The following BCL2A1 variants were observed in gnomAD, a reference collection of about 807,000 sequenced individuals.
BCL2A1 encodes bcl-2-related protein A1.
Under a neutral mutation model 14.4 loss-of-function variants are expected in BCL2A1, and 10 were observed. The observed-to-expected ratio is 0.69, with a 90% CI of 0.43 to 1.18. BCL2A1 has a LOEUF of 1.18. Among genes scored for constraint, BCL2A1 ranks in the 50% most tolerant of loss-of-function variants. The pLI is 0.00. For missense variants in BCL2A1, 158 were observed against 205.0 expected (o/e 0.77, Z 1.40); for synonymous variants, 71 against 76.5 (o/e 0.93, Z 0.38).
At chr15:79,968,874 G>C (rs1340513106) in intron 1 of BCL2A1, among the ~76,000 whole-genome samples, 1 of 152,162 alleles carries the variant, frequency 6.6e-6, no homozygotes, top group African/African-American at 2.4e-5. Flanking sequence ...AGGTTGCAGT[G>C]AGCTGAGATC....
At position 79,970,682 on chromosome 15, in the gene BCL2A1, T is replaced by C; in HGVS notation, c.420+18A>G. 1 of 1,566,626 alleles carries C rather than the reference T, an allele frequency of 6.4e-7. No homozygotes were observed. The highest frequency in any genetic ancestry group is 8.7e-7 in the Non-Finnish European group (1 of 1,154,640). ...TTTCACAGGAAAGAACAATGAAGAA[T>C]TTTTCCATCACACATACCCAGCCTC... is the stretch of plus-strand genomic sequence containing the variant. On this transcript the variant is annotated intron_variant, in intron 1 of 1. Coordinates refer to ENST00000267953, the MANE Select transcript of BCL2A1 (RefSeq NM_004049.4).
At chr15:79,964,510 G>C (rs868096192) in intron 1 of BCL2A1, among the ~76,000 whole-genome samples, 2 of 152,002 alleles carry the variant, frequency 1.3e-5, no homozygotes, top group South Asian at 2.1e-4. Context: ...ACACCATTAT[G>C]TTACTCCCAC....
chr15:79,970,823 G>C lies in BCL2A1; in HGVS notation c.297C>G (p.Leu99=). 6.2e-7 allele frequency: 1 copy of C among 1,614,216 alleles called. No individual in the cohort carries two copies. Among genetic ancestry groups the C allele is most frequent in the Non-Finnish European group, 8.5e-7 (1 of 1,180,028 alleles). The part of the protein sequence containing the change: ...IVTIFAFEGI[L]IKKLLRQQIA... ...TTTGCTGTCGTAGAAGTTTCTTGAT[G>C]AGAATACCTTCAAATGCAAATATGG... Residue 99 remains leucine (L), a synonymous_variant, in exon 1 of 2, where the codon CTC becomes CTG. Coordinates refer to ENST00000267953, the MANE Select transcript of BCL2A1 (RefSeq NM_004049.4).
intron 1 of BCL2A1, among the ~76,000 whole-genome samples, chr15:79,965,582 G>A (rs2035533896): frequency 6.6e-6 from 1 of 152,104 alleles, no homozygotes; most frequent in African/African-American, 2.4e-5. Flanking sequence ...ATTTCAAAGG[G>A]GCAGCCAGGG....
chr15:79,970,897 T>C lies in BCL2A1; in HGVS notation c.223A>G (p.Met75Val), dbSNP rs1199987311. The C allele has an allele frequency of 6.2e-7, 1 of 1,614,226 alleles. No homozygotes were observed. Among genetic ancestry groups the C allele is most frequent in the African/African-American group, 1.3e-5 (1 of 75,070 alleles). ...DTARTLFNQVMEKEFEDGIIN... is the reference protein window; with the variant it reads ...DTARTLFNQVVEKEFEDGIIN... ...ATGCCGTCTTCAAACTCCTTTTCCA[T>C]CACTTGGTTGAATAGTGTTCTGGCA... The change falls in exon 1 of 2, where the codon ATG becomes GTG. Residue 75 changes from methionine (M) to valine (V), a missense_variant. Met to Val is a conservative substitution (Grantham distance 21). Transcript: ENST00000267953.
chr15:79,969,880 G>A (rs939030196), intron 1 of BCL2A1, among the ~76,000 whole-genome samples: 18 of 152,054 alleles, frequency 1.2e-4, no homozygotes, highest in African/African-American at 4.1e-4. Flanking sequence ...TTGGAGAGAG[G>A]ATCAATGAAC....
intron 1 of BCL2A1, among the ~76,000 whole-genome samples, chr15:79,964,583 C>T (rs1439359479): frequency 1.3e-5 from 2 of 152,208 alleles, no homozygotes; most frequent in African/African-American, 4.8e-5. Flanking sequence ...TGGCCACATG[C>T]CAGGTACCAT....
At chr15:79,962,053 T>G (rs536398729) in intron 1 of BCL2A1, among the ~76,000 whole-genome samples, 2 of 152,154 alleles carry the variant, frequency 1.3e-5, no homozygotes, top group East Asian at 3.8e-4. Flanking sequence ...GCCAAAAGAA[T>G]TAGAAAATTG....
Position 79,964,878 on chromosome 15 carries a change from G to A in BCL2A1, c.421-3704C>T, listed in dbSNP as rs540158565. Among the ~76,000 whole-genome samples, 136 of 152,292 alleles carry A rather than the reference G, an allele frequency of 8.9e-4. 3 individuals are homozygous for A. Among genetic ancestry groups the A allele is most frequent in the Admixed American group, 7.7e-3 (118 of 15,296 alleles). On this transcript the variant is annotated intron_variant, in intron 1 of 1. Transcript: ENST00000267953. The stretch of plus-strand genomic sequence containing the variant: ...GAAGTAAGCCAGGCAAACTTCTGGC[G>A]GAAAATTATTCCAGGCAGAGGGAGC...
At chr15:79,966,331 G>T (rs1409146568) in intron 1 of BCL2A1, among the ~76,000 whole-genome samples, 4 of 152,126 alleles carry the variant, frequency 2.6e-5, no homozygotes, top group African/African-American at 9.7e-5. Flanking sequence ...TACCTCTAGT[G>T]AGTGAGAAAA....
chr15:79,968,717 G>C (rs2035567500), intron 1 of BCL2A1, among the ~76,000 whole-genome samples: 2 of 152,234 alleles, frequency 1.3e-5, no homozygotes, highest in Admixed American at 1.3e-4. Context: ...GATCACCCGA[G>C]GTCAGGAGTT....
intron 1 of BCL2A1, 29 bp from the exon 2 acceptor site, chr15:79,961,203 A>T: frequency 6.3e-7 from 1 of 1,589,602 alleles, no homozygotes; most frequent in Non-Finnish European, 8.6e-7. Context: ...AACACTTTAA[A>T]CATCATTGGA....
In BCL2A1 at chr15:79,960,924, T is replaced by C; in HGVS notation, c.*143A>G. On this transcript the variant is annotated 3_prime_UTR_variant, in exon 2 of 2. Coordinates refer to ENST00000267953, the MANE Select transcript of BCL2A1 (RefSeq NM_004049.4). Reference sequence around the variant, plus strand: ...AAATACATACAATTTATTCATTACATGGGGACAAAATTTCCATAACTCTGG... The same window carrying C: ...AAATACATACAATTTATTCATTACACGGGGACAAAATTTCCATAACTCTGG... 1.5e-6 allele frequency: 2 copies of C among 1,340,484 alleles called. No homozygotes were observed. Among genetic ancestry groups the C allele is most frequent in the Non-Finnish European group, 2.1e-6 (2 of 962,560 alleles). The allele number at this position is 1,340,484 out of a possible 1,614,324, so 83.0% of individuals were successfully genotyped here. A position where few individuals can be genotyped will look rare whatever the true frequency, so the allele number is the denominator to read the frequency against.
intron 1 of BCL2A1, among the ~76,000 whole-genome samples, chr15:79,967,347 G>A (rs1233933882): frequency 6.6e-6 from 1 of 150,500 alleles, no homozygotes; most frequent in Non-Finnish European, 1.5e-5. Context: ...CTCCTAAGTA[G>A]CTGGGATTAT....
chr15:79,970,831 C>A lies in BCL2A1; in HGVS notation c.289G>T (p.Gly97Cys). ...GRIVTIFAFE[G>C]ILIKKLLRQQ... is the part of the protein sequence containing the mutation. ...CGTAGAAGTTTCTTGATGAGAATAC[C>A]TTCAAATGCAAATATGGTTACAATT... Residue 97 changes from glycine to cysteine, a missense_variant, in exon 1 of 2, where the codon GGT becomes TGT. By Grantham distance (159) the Gly-to-Cys change is radical (BLOSUM62 -3). Transcript: ENST00000267953. 1 of 1,614,214 alleles carries A rather than the reference C, an allele frequency of 6.2e-7. No homozygotes were observed. Among genetic ancestry groups the A allele is most frequent in the Non-Finnish European group, 8.5e-7 (1 of 1,180,038 alleles).
At chr15:79,968,211 C>T (rs1250088631) in intron 1 of BCL2A1, among the ~76,000 whole-genome samples, 2 of 152,178 alleles carry the variant, frequency 1.3e-5, no homozygotes, top group Non-Finnish European at 2.9e-5. Context: ...TTATGCTAAG[C>T]GTTGGAAATA....
At chr15:79,967,322 T>C (rs2035551987) in intron 1 of BCL2A1, among the ~76,000 whole-genome samples, 1 of 150,688 alleles carries the variant, frequency 6.6e-6, no homozygotes, top group Non-Finnish European at 1.5e-5. Context: ...GTTCAAGTGA[T>C]TCTCCTGCCT....
At chr15:79,966,060 A>C (rs1173394685) in intron 1 of BCL2A1, among the ~76,000 whole-genome samples, 2 of 152,102 alleles carry the variant, frequency 1.3e-5, no homozygotes, top group Non-Finnish European at 2.9e-5. Context: ...TGTACATCCT[A>C]CTTCAGAAGG....
chr15:79,963,210 G>A (rs921587635), intron 1 of BCL2A1, among the ~76,000 whole-genome samples: 10 of 152,016 alleles, frequency 6.6e-5, no homozygotes, highest in Admixed American at 1.3e-4. Context: ...GGATAGTCTC[G>A]ATCTCTTGAC....
Sources: allele counts gnomAD v4.1 joint callset (sites outside exome capture counted in the v4.1 genomes callset), GRCh38; gene constraint gnomAD v4.1.1; transcripts MANE v1.5; gene names NCBI Gene and HGNC (gene_info 2026-07-23, HGNC 2026-07-21).